The following KLHL1 variants were observed in gnomAD, a reference collection of about 807,000 sequenced individuals.
The protein encoded by KLHL1 is kelch-like protein 1.
In KLHL1, 47 loss-of-function variants were observed where a neutral mutation model predicts 77.7. The observed-to-expected ratio is 0.60, with a 90% CI of 0.48 to 0.77. The LOEUF is 0.77. KLHL1 is among the 30% of genes least tolerant of loss of function. The pLI, the probability that KLHL1 is intolerant of heterozygous loss-of-function variation, is 0.00. For missense variants in KLHL1, 925 were observed against 910.8 expected, an observed-to-expected ratio of 1.02 and a Z score of -0.20; for synonymous variants, 360 against 325.2, an observed-to-expected ratio of 1.11 and a Z score of -1.15.
intron 9 of KLHL1, among the ~76,000 whole-genome samples, chr13:69,715,273 G>T (rs1455800446): frequency 6.6e-6 from 1 of 152,100 alleles, no homozygotes; most frequent in Non-Finnish European, 1.5e-5. Context: ...GAAACTTGGT[G>T]GGGGGTGATT....
chr13:69,713,668 A>G (rs1875981098), intron 9 of KLHL1, among the ~76,000 whole-genome samples: 1 of 152,148 alleles, frequency 6.6e-6, no homozygotes, highest in African/African-American at 2.4e-5. Flanking sequence ...TAAGAATTAA[A>G]GTTTTAGGGT....
chr13:69,867,838 A>G (rs1035051288), intron 5 of KLHL1, among the ~76,000 whole-genome samples: 4 of 118,040 alleles, frequency 3.4e-5, no homozygotes, highest in Admixed American at 1.2e-4. Context: ...AACATCACAC[A>G]CTGGGGCCTG....
intron 2 of KLHL1, among the ~76,000 whole-genome samples, chr13:69,966,279 A>T (rs1212337820): frequency 2.0e-5 from 3 of 152,166 alleles, no homozygotes; most frequent in African/African-American, 7.2e-5. Flanking sequence ...GTGAGTTTAA[A>T]TAGAAGCCAA....
chr13:70,059,844 C>G (rs1223843908), intron 1 of KLHL1, among the ~76,000 whole-genome samples: 1 of 152,130 alleles, frequency 6.6e-6, no homozygotes, highest in Non-Finnish European at 1.5e-5. Flanking sequence ...GAGAGAGCAG[C>G]AGGAGGTGCT....
At chr13:69,872,815 T>C (rs919887720) in intron 5 of KLHL1, among the ~76,000 whole-genome samples, 4 of 152,132 alleles carry the variant, frequency 2.6e-5, no homozygotes, top group African/African-American at 9.7e-5. Flanking sequence ...GTGTAACTAA[T>C]AGAGTGGGAA....
At position 69,767,186 on chromosome 13, in the gene KLHL1, C is replaced by A. The variant is rs143250126; in HGVS notation, c.1640-26630G>T. ...ATAAAAGACAGATATATTAGCGTGA[C>A]TTTTTGTTTCAGGCCAAACTAGAAT... On this transcript the variant is annotated intron_variant, in intron 7 of 10. Transcript: ENST00000377844. 2.5e-3 allele frequency among the ~76,000 whole-genome samples: 374 copies of A among 152,134 alleles called. 1 individual carries two copies. The highest frequency in any genetic ancestry group is 8.3e-3 in the African/African-American group (343 of 41,520).
intron 4 of KLHL1, among the ~76,000 whole-genome samples, chr13:69,925,702 C>T (rs1334372628): frequency 2.6e-5 from 4 of 151,590 alleles, no homozygotes; most frequent in African/African-American, 9.7e-5. Context: ...AGTTTTATTG[C>T]CTTATATGAC....
intron 4 of KLHL1, among the ~76,000 whole-genome samples, chr13:69,916,088 C>G (rs1041638882): frequency 6.6e-6 from 1 of 152,132 alleles, no homozygotes; most frequent in African/African-American, 2.4e-5. Context: ...AGTCAGGAAA[C>G]AACAGGTGCT....
intron 7 of KLHL1, among the ~76,000 whole-genome samples, chr13:69,751,112 A>ATGTGTG (rs56689981): frequency 0.011 from 1,593 of 141,164 alleles, 28 homozygotes; most frequent in African/African-American, 0.036. Flanking sequence ...TCATGTGTGT[A>ATGTGTG]TGTGTGTGTG....
intron 1 of KLHL1, among the ~76,000 whole-genome samples, chr13:70,073,162 T>C (rs1887177399): frequency 6.6e-6 from 1 of 152,148 alleles, no homozygotes; most frequent in South Asian, 2.1e-4. Flanking sequence ...CCAACCCAAA[T>C]GTCCATCAAT....
At chr13:69,857,852 A>AT (rs1555274540) in intron 5 of KLHL1, among the ~76,000 whole-genome samples, 4 of 151,296 alleles carry the variant, frequency 2.6e-5, no homozygotes, top group Non-Finnish European at 5.9e-5. Flanking sequence ...ATAATATAAA[A>AT]ATATATATAT....
At chr13:69,859,826 T>C (rs1880066242) in intron 5 of KLHL1, among the ~76,000 whole-genome samples, 1 of 152,124 alleles carries the variant, frequency 6.6e-6, no homozygotes, top group Non-Finnish European at 1.5e-5. Flanking sequence ...GCGTTTTGCA[T>C]AGGCAAATCT....
chr13:70,085,552 T>G (rs1041775525), intron 1 of KLHL1, among the ~76,000 whole-genome samples: 3 of 152,202 alleles, frequency 2.0e-5, no homozygotes, highest in African/African-American at 7.2e-5. Flanking sequence ...ACCCTAAAAT[T>G]ATTAATCAAT....
chr13:69,999,115 T>C (rs868167549), intron 1 of KLHL1, among the ~76,000 whole-genome samples: 17 of 152,248 alleles, frequency 1.1e-4, no homozygotes, highest in African/African-American at 3.8e-4. Context: ...ATGTATTATG[T>C]AATGTAACAT....
intron 6 of KLHL1, among the ~76,000 whole-genome samples, chr13:69,830,414 C>A (rs1245543772): frequency 6.7e-6 from 1 of 150,004 alleles, no homozygotes; most frequent in Non-Finnish European, 1.5e-5. Flanking sequence ...CTTAAATATA[C>A]ATGCACTTAA....
At chr13:70,023,406 T>A (rs1435919900) in intron 1 of KLHL1, among the ~76,000 whole-genome samples, 1 of 151,924 alleles carries the variant, frequency 6.6e-6, no homozygotes, top group African/African-American at 2.4e-5. Flanking sequence ...TGGTATCAGT[T>A]CCTTAAGAAC....
intron 4 of KLHL1, among the ~76,000 whole-genome samples, chr13:69,890,855 T>C (rs1196718803): frequency 1.3e-5 from 2 of 152,060 alleles, no homozygotes; most frequent in African/African-American, 4.8e-5. Flanking sequence ...TCAGCAGATA[T>C]TTTTTGACTC....
chr13:69,904,751 C>T (rs565873036), intron 4 of KLHL1, among the ~76,000 whole-genome samples: 5 of 152,184 alleles, frequency 3.3e-5, no homozygotes, highest in African/African-American at 4.8e-5. Flanking sequence ...CCAGAGTTTA[C>T]GCTTAATCAT....
At chr13:69,795,035 C>T (rs1463117753) in intron 7 of KLHL1, among the ~76,000 whole-genome samples, 1 of 152,146 alleles carries the variant, frequency 6.6e-6, no homozygotes, top group African/African-American at 2.4e-5. Context: ...GAGTACGATA[C>T]ATAATGCCGA....
Sources: allele counts gnomAD v4.1 joint callset (sites outside exome capture counted in the v4.1 genomes callset), GRCh38; gene constraint gnomAD v4.1.1; transcripts MANE v1.5; gene names NCBI Gene and HGNC (gene_info 2026-07-23, HGNC 2026-07-21).